PIP4P2: variants seen among roughly 807,000 people sequenced by gnomAD.
The protein encoded by PIP4P2 is phosphatidylinositol-4,5-bisphosphate 4-phosphatase 2.
Under a neutral mutation model 33.3 loss-of-function variants are expected in PIP4P2, and 19 were observed. The ratio of observed to expected loss-of-function variants is 0.57; its 90% CI spans 0.40 to 0.84. PIP4P2 has a LOEUF of 0.84. Ranked by LOEUF, PIP4P2 falls within the 40% of genes least tolerant of loss-of-function variation. PIP4P2 has a pLI of 0.00. For synonymous variants in PIP4P2, 110 were observed against 111.9 expected (o/e 0.98, Z 0.11); for missense variants, 270 against 324.7 (o/e 0.83, Z 1.29).
chr8:91,038,818 A>T (rs141859266), intron 1 of PIP4P2, among the ~76,000 whole-genome samples: 3 of 152,344 alleles, frequency 2.0e-5, no homozygotes, highest in Admixed American at 1.3e-4. Flanking sequence ...AACCTGTCTC[A>T]TTCACCAATT....
intron 5 of PIP4P2, among the ~76,000 whole-genome samples, chr8:91,001,159 C>T (rs1811693538): frequency 6.6e-6 from 1 of 152,032 alleles, no homozygotes; most frequent in Non-Finnish European, 1.5e-5. Flanking sequence ...ACGTTTTGCC[C>T]TATTTCCCCC....
intron 1 of PIP4P2, among the ~76,000 whole-genome samples, chr8:91,028,845 C>T (rs539378431): frequency 1.3e-5 from 2 of 152,262 alleles, no homozygotes; most frequent in East Asian, 1.9e-4. Flanking sequence ...TGTGATAAGG[C>T]CGCTGTATGA....
chr8:91,008,115 A>G (rs1251153392), intron 5 of PIP4P2, among the ~76,000 whole-genome samples: 1 of 152,164 alleles, frequency 6.6e-6, no homozygotes, highest in African/African-American at 2.4e-5. Flanking sequence ...ACAACTATAT[A>G]TTAATTTCTA....
rs1036713368 is a variant in PIP4P2 at position 91,040,844 on chromosome 8, CGCTGCAGCT to C, written c.-104_-96del. On this transcript the variant is annotated 5_prime_UTR_variant, in exon 1 of 7. Transcript: ENST00000285419. ...CTGCTGCCTCTGCTGCCGCTGCTGC[CGCTGCAGCT>C]GCTGCTGCTGCCGCCTCCGGGAGGG... 2.7e-5 allele frequency: 30 copies of C among 1,116,442 alleles called. No individual in the cohort carries two copies. In the South Asian group the frequency reaches 3.0e-4, roughly 11 times the overall value. The allele number at this position is 1,116,442 out of a possible 1,614,324, so 69.2% of individuals were successfully genotyped here. A position where few individuals can be genotyped will look rare whatever the true frequency, so the allele number is the denominator to read the frequency against.
At chr8:91,003,029 T>C (rs1348170602) in intron 5 of PIP4P2, among the ~76,000 whole-genome samples, 1 of 152,218 alleles carries the variant, frequency 6.6e-6, no homozygotes, top group East Asian at 1.9e-4. Flanking sequence ...GTAAACCATA[T>C]GGTACATTTA....
intron 1 of PIP4P2, among the ~76,000 whole-genome samples, chr8:91,022,059 T>C (rs1812018094): frequency 6.6e-6 from 1 of 152,000 alleles, no homozygotes; most frequent in South Asian, 2.1e-4. Context: ...TACCTACCAT[T>C]AAAAATGTAA....
intron 1 of PIP4P2, among the ~76,000 whole-genome samples, chr8:91,038,730 A>G (rs867916319): frequency 6.6e-6 from 1 of 152,198 alleles, no homozygotes. Context: ...ATGCAAATAA[A>G]ATGCTTTTAC....
intron 4 of PIP4P2, among the ~76,000 whole-genome samples, chr8:91,011,356 G>T (rs984103317): frequency 1.4e-4 from 21 of 152,038 alleles, no homozygotes; most frequent in Non-Finnish European, 2.9e-4. Flanking sequence ...AAACTCTGCT[G>T]TTCAGTTGTG....
At chr8:91,018,123 G>A (rs1165616509) in intron 4 of PIP4P2, among the ~76,000 whole-genome samples, 1 of 152,150 alleles carries the variant, frequency 6.6e-6, no homozygotes, top group East Asian at 1.9e-4. Flanking sequence ...GATACTCATG[G>A]AACTAAGCCT....
intron 1 of PIP4P2, among the ~76,000 whole-genome samples, chr8:91,025,462 A>G (rs1327082404): frequency 1.3e-5 from 2 of 152,062 alleles, no homozygotes; most frequent in South Asian, 2.1e-4. Flanking sequence ...TCCATATTTC[A>G]TCTTTTCTCA....
At chr8:91,029,712 T>G (rs1331250010) in intron 1 of PIP4P2, among the ~76,000 whole-genome samples, 2 of 152,120 alleles carry the variant, frequency 1.3e-5, no homozygotes, top group African/African-American at 2.4e-5. Flanking sequence ...TATTAAGATA[T>G]GTAGTGCAAA....
intron 5 of PIP4P2, among the ~76,000 whole-genome samples, chr8:91,003,962 G>A (rs968429546): frequency 6.6e-6 from 1 of 150,428 alleles, no homozygotes; most frequent in South Asian, 2.1e-4. Context: ...TAGATAGATA[G>A]ATAGATAGAT....
rs762045122 is a variant in PIP4P2, at chr8:91,030,770, ATGAC to A, written c.107-9370_107-9367del. On this transcript the variant is annotated intron_variant, in intron 1 of 6. Coordinates refer to ENST00000285419, the MANE Select transcript of PIP4P2 (RefSeq NM_018710.3). ...TTCCATCATTCTTACAAAAGAGAGTATGACTTATAAACTATTCTTCATCTCATTG... is the reference window on the plus strand; with the variant it reads ...TTCCATCATTCTTACAAAAGAGAGTATTATAAACTATTCTTCATCTCATTG... Among the ~76,000 whole-genome samples, 8 of 152,340 alleles carry A rather than the reference ATGAC, an allele frequency of 5.3e-5. No homozygotes were observed. In the East Asian group the frequency reaches 7.7e-4, roughly 15 times the overall value.
intron 1 of PIP4P2, among the ~76,000 whole-genome samples, chr8:91,022,205 T>C (rs755394094): frequency 6.6e-6 from 1 of 152,102 alleles, no homozygotes; most frequent in Non-Finnish European, 1.5e-5. Flanking sequence ...AACTGATGAA[T>C]ATAATGACAT....
Position 90,995,527 on chromosome 8 carries a change from G to T in PIP4P2, c.*150C>A. 3 of 916,694 alleles carry T rather than the reference G, an allele frequency of 3.3e-6. No individual in the cohort carries two copies. Among genetic ancestry groups the T allele is most frequent in the Non-Finnish European group, 4.5e-6 (3 of 665,926 alleles). 56.8% of individuals were successfully genotyped at this position (916,694 alleles called of 1,614,324 possible). A position where few individuals can be genotyped will look rare whatever the true frequency, so the allele number is the denominator to read the frequency against. ...ATTTGCATATAATATAGTGCAATGA[G>T]CATTTGTTCATAAAAGACTCCCAAA... On this transcript the variant is annotated 3_prime_UTR_variant, in exon 7 of 7. Transcript: ENST00000285419.
At chr8:91,010,460 T>C (rs1379679936) in intron 4 of PIP4P2, among the ~76,000 whole-genome samples, 2 of 151,892 alleles carry the variant, frequency 1.3e-5, no homozygotes, top group East Asian at 1.9e-4. Context: ...TATCATTTTA[T>C]AGTGTTCTTC....
Position 90,995,693 on chromosome 8 carries a change from T to A in PIP4P2, c.758A>T (p.Glu253Val). The A allele has an allele frequency of 1.9e-6, 3 of 1,612,104 alleles. No individual in the cohort carries two copies. Among genetic ancestry groups the A allele is most frequent in the Non-Finnish European group, 2.5e-6 (3 of 1,179,204 alleles). Reference sequence around the variant, plus strand: ...TAAACAAGCTTATGCAAAACTGTGTTCTGGATAACTGACTCTTATGGCTCC... The same window carrying A: ...TAAACAAGCTTATGCAAAACTGTGTACTGGATAACTGACTCTTATGGCTCC... ...YWGAIRVSYP[E>V]HSFA The change falls in exon 7 of 7, where the codon GAA (glutamate) becomes GTA (valine). Residue 253 changes from glutamate to valine, a missense_variant. By Grantham distance (121) the Glu-to-Val change is moderately radical (BLOSUM62 -2). Coordinates refer to ENST00000285419, the MANE Select transcript of PIP4P2 (RefSeq NM_018710.3).
In PIP4P2 at chr8:91,040,815, A is replaced by ACTGCTGCTGCCTCTGCTGCCG. The variant is rs1812297022; in HGVS notation, c.-87_-67dup. The ACTGCTGCTGCCTCTGCTGCCG allele has an allele frequency of 6.9e-7, 1 of 1,441,468 alleles. No homozygotes were observed. Among genetic ancestry groups the ACTGCTGCTGCCTCTGCTGCCG allele is most frequent in the Non-Finnish European group, 9.6e-7 (1 of 1,045,796 alleles). The allele number at this position is 1,441,468 out of a possible 1,614,324, so 89.3% of individuals were successfully genotyped here. On this transcript the variant is annotated 5_prime_UTR_variant, in exon 1 of 7. Coordinates refer to ENST00000285419, the MANE Select transcript of PIP4P2 (RefSeq NM_018710.3). ...TTGCGGCCTCGGCGGAGTGGTGGCT[A>ACTGCTGCTGCCTCTGCTGCCG]CTGCTGCTGCCTCTGCTGCCGCTGC...
Position 91,022,087 on chromosome 8 carries a change from T to C in PIP4P2, c.107-683A>G, listed in dbSNP as rs180847612. Among the ~76,000 whole-genome samples, 260 of 152,254 alleles carry C rather than the reference T, an allele frequency of 1.7e-3. 1 individual carries two copies. The highest frequency in any genetic ancestry group is 6.1e-3 in the African/African-American group (253 of 41,552). ...AAATGTAAGAAATGCACCAAAGTGT[T>C]TATGAGTAAAAAAATGTAGTATGTG... On this transcript the variant is annotated intron_variant, in intron 1 of 6. Transcript: ENST00000285419.
Sources: allele counts gnomAD v4.1 joint callset (sites outside exome capture counted in the v4.1 genomes callset), GRCh38; gene constraint gnomAD v4.1.1; transcripts MANE v1.5; gene names NCBI Gene and HGNC (gene_info 2026-07-23, HGNC 2026-07-21).